The following ADTRP variants were observed in gnomAD, a reference collection of about 807,000 sequenced individuals.
ADTRP encodes androgen-dependent TFPI-regulating protein.
In ADTRP, 20 loss-of-function variants were observed where a neutral mutation model predicts 27.0. The ratio of observed to expected loss-of-function variants is 0.74; its 90% CI spans 0.52 to 1.08. ADTRP has a LOEUF of 1.08. Ranked by LOEUF, ADTRP falls within the 50% of genes least tolerant of loss-of-function variation. The pLI is 0.00. For synonymous variants in ADTRP, 101 were observed against 105.2 expected, an observed-to-expected ratio of 0.96 and a Z score of 0.25; for missense variants, 251 against 275.0, an observed-to-expected ratio of 0.91 and a Z score of 0.62.
At chr6:11,742,356 A>G (rs17402850) in intron 3 of ADTRP, among the ~76,000 whole-genome samples, 15,266 of 152,038 alleles carry the variant, frequency 0.1, 975 homozygotes, top group Non-Finnish European at 0.14. Flanking sequence ...AATTAGCCCC[A>G]TACATCTTTG....
intron 2 of ADTRP, among the ~76,000 whole-genome samples, chr6:11,766,904 C>T (rs1237875322): frequency 6.6e-6 from 1 of 152,220 alleles, no homozygotes; most frequent in South Asian, 2.1e-4. Flanking sequence ...TTGAATTGAT[C>T]TCCTCTTGTA....
chr6:11,764,416 T>C (rs184201380), intron 3 of ADTRP, among the ~76,000 whole-genome samples: 1 of 152,354 alleles, frequency 6.6e-6, no homozygotes, highest in Admixed American at 6.5e-5. Context: ...TAGGTGCATT[T>C]GGCACCACAT....
At chr6:11,768,440 C>T (rs1763645440) in intron 1 of ADTRP, 57 bp from the exon 2 acceptor site, 1 of 1,596,788 alleles carries the variant, frequency 6.3e-7, no homozygotes, top group African/African-American at 1.3e-5. Context: ...ATACCTTCTT[C>T]ACTGATGGAA....
chr6:11,714,044 G>C lies in ADTRP; in HGVS notation c.*434C>G, dbSNP rs1350081886. ...TCTGGGAGAGAGAAGTCATTGCCTT[G>C]GTTCTGACACTAAGTAACCCTTTTG... On this transcript the variant is annotated 3_prime_UTR_variant, in exon 6 of 6. Coordinates refer to ENST00000414691, the MANE Select transcript of ADTRP (RefSeq NM_032744.4). 1.3e-5 allele frequency: 2 copies of C among 155,868 alleles called. No homozygotes were observed. The highest frequency in any genetic ancestry group is 1.4e-5 in the Non-Finnish European group (1 of 70,906). The allele number at this position is 155,868 out of a possible 1,614,324, so 9.7% of individuals were successfully genotyped here.
intron 3 of ADTRP, among the ~76,000 whole-genome samples, chr6:11,737,513 A>G (rs756294854): frequency 6.6e-6 from 1 of 152,202 alleles, no homozygotes; most frequent in African/African-American, 2.4e-5. Context: ...AGGAAGCAGT[A>G]GCTTCCTCCC....
intron 3 of ADTRP, among the ~76,000 whole-genome samples, chr6:11,758,690 C>T (rs34704283): frequency 0.051 from 7,694 of 151,112 alleles, 213 homozygotes; most frequent in Middle Eastern, 0.11. Context: ...GCACGTTGTG[C>T]ACATGTACCC....
chr6:11,763,555 G>C (rs1214108526), intron 3 of ADTRP, among the ~76,000 whole-genome samples: 2 of 152,192 alleles, frequency 1.3e-5, no homozygotes, highest in Admixed American at 1.3e-4. Context: ...TGCCCAGCCG[G>C]ACTGCCCGTC....
At chr6:11,749,523 C>A (rs1762973226) in intron 3 of ADTRP, among the ~76,000 whole-genome samples, 1 of 151,902 alleles carries the variant, frequency 6.6e-6, no homozygotes, top group Non-Finnish European at 1.5e-5. Flanking sequence ...AGGGCATTAG[C>A]AAAGCAGAGG....
intron 1 of ADTRP, chr6:11,770,193 G>T (rs540005924): frequency 9.7e-7 from 1 of 1,029,910 alleles, no homozygotes; most frequent in Admixed American, 2.0e-5. Context: ...GAGAATGAAC[G>T]ACCACTTCAC....
At chr6:11,771,923 C>T (rs922519834) in intron 1 of ADTRP, among the ~76,000 whole-genome samples, 1 of 152,176 alleles carries the variant, frequency 6.6e-6, no homozygotes, top group African/African-American at 2.4e-5. Flanking sequence ...TCTTCAACTT[C>T]CAGCCTCCAG....
intron 4 of ADTRP, among the ~76,000 whole-genome samples, chr6:11,735,264 G>C (rs1762512808): frequency 6.6e-6 from 1 of 152,194 alleles, no homozygotes. Context: ...TAGAACCAAG[G>C]AGCAACATTT....
intron 3 of ADTRP, among the ~76,000 whole-genome samples, chr6:11,749,591 G>A (rs72819662): frequency 0.041 from 6,220 of 152,044 alleles, 168 homozygotes; most frequent in Non-Finnish European, 0.056. Context: ...GGATCCAAGC[G>A]GAAACCGAGG....
At chr6:11,716,002 C>A (rs993148185) in intron 5 of ADTRP, among the ~76,000 whole-genome samples, 1 of 151,826 alleles carries the variant, frequency 6.6e-6, no homozygotes, top group African/African-American at 2.4e-5. Flanking sequence ...TGAATTCTCT[C>A]CTCCCTAGTT....
intron 3 of ADTRP, among the ~76,000 whole-genome samples, chr6:11,756,401 T>A (rs1246979802): frequency 6.6e-6 from 1 of 152,160 alleles, no homozygotes; most frequent in East Asian, 1.9e-4. Flanking sequence ...GGTGACTTGA[T>A]GTGAAACAGT....
intron 1 of ADTRP, among the ~76,000 whole-genome samples, chr6:11,770,963 C>T (rs1763754008): frequency 1.3e-5 from 2 of 152,212 alleles, no homozygotes; most frequent in Non-Finnish European, 2.9e-5. Flanking sequence ...CAGGCCTTCC[C>T]TCTCTGGGGA....
At position 11,758,485 on chromosome 6, in the gene ADTRP, C is replaced by A. The variant is rs1295825219; in HGVS notation, c.390+7789G>T. The stretch of plus-strand genomic sequence containing the variant: ...TATCGCAAGGACAAAAAACCAAACA[C>A]CGCATGTTCTCATTCATAGGTGGGA... On this transcript the variant is annotated intron_variant, in intron 3 of 5. Transcript: ENST00000414691. Among the ~76,000 whole-genome samples the A allele has an allele frequency of 2.1e-5, 3 of 143,644 alleles. No individual in the cohort carries two copies. The Admixed American group carries it at 2.3e-4, about 11-fold the overall frequency. The allele number at this position is 143,644 out of a possible 152,430, so 94.2% of individuals were successfully genotyped here.
chr6:11,769,871 C>T (rs920312105), intron 1 of ADTRP, among the ~76,000 whole-genome samples: 1 of 152,056 alleles, frequency 6.6e-6, no homozygotes, highest in African/African-American at 2.4e-5. Context: ...AAGTTTAGCC[C>T]TCAAAAATCT....
chr6:11,720,038 T>C (rs2235426), intron 5 of ADTRP, among the ~76,000 whole-genome samples: 9,326 of 152,248 alleles, frequency 0.061, 809 homozygotes, highest in East Asian at 0.47. Flanking sequence ...TCTCACTCAG[T>C]GTCACAGGTA....
intron 3 of ADTRP, among the ~76,000 whole-genome samples, chr6:11,757,751 C>T (rs1222882920): frequency 6.6e-6 from 1 of 152,214 alleles, no homozygotes; most frequent in Non-Finnish European, 1.5e-5. Context: ...GATGTGTCTA[C>T]AAGCCAAGGA....
Sources: allele counts gnomAD v4.1 joint callset (sites outside exome capture counted in the v4.1 genomes callset), GRCh38; gene constraint gnomAD v4.1.1; transcripts MANE v1.5; gene names NCBI Gene and HGNC (gene_info 2026-07-23, HGNC 2026-07-21).